DIDO1: variants seen among roughly 807,000 people sequenced by gnomAD.
DIDO1 encodes death-inducer obliterator 1.
DIDO1 carries 16 observed loss-of-function variants against 99.4 expected under a neutral mutation model. The observed-to-expected ratio is 0.16, with a 90% CI of 0.11 to 0.24. The LOEUF (loss-of-function observed/expected upper bound fraction) is 0.24, where lower values mean the gene tolerates loss of function less well. Among genes scored for constraint, DIDO1 ranks in the 10% least tolerant of loss-of-function variants. The pLI is 1.00. For synonymous variants in DIDO1, 1,366 were observed against 1,239.1 expected (o/e 1.10, Z -2.15); for missense variants, 2,996 against 3,014.0 (o/e 0.99, Z 0.14).
chr20:62,915,298 C>T (rs755167), intron 1 of DIDO1, among the ~76,000 whole-genome samples: 93,583 of 152,032 alleles, frequency 0.62, 30,577 homozygotes, highest in African/African-American at 0.84. Flanking sequence ...GTAGACACCC[C>T]GTCTCTACAA....
intron 1 of DIDO1, among the ~76,000 whole-genome samples, chr20:62,919,516 G>A (rs2065096788): frequency 6.6e-6 from 1 of 151,822 alleles, no homozygotes. Context: ...CTCCAGCCTG[G>A]GCAACAAGAG....
chr20:62,922,065 C>T (rs955081811), intron 1 of DIDO1, among the ~76,000 whole-genome samples: 6 of 139,242 alleles, frequency 4.3e-5, no homozygotes, highest in Admixed American at 2.3e-4. Flanking sequence ...TATATACACA[C>T]ACTATATACA....
chr20:62,898,665 T>C (rs1297568917), intron 6 of DIDO1, among the ~76,000 whole-genome samples: 7 of 152,188 alleles, frequency 4.6e-5, no homozygotes, highest in Non-Finnish European at 1.0e-4. Context: ...ACCCCCTCCT[T>C]GGCAACACTG....
chr20:62,901,239 C>T (rs6011458), intron 6 of DIDO1, among the ~76,000 whole-genome samples: 35,030 of 152,186 alleles, frequency 0.23, 4,294 homozygotes, highest in East Asian at 0.33. Context: ...GCTAGACTGC[C>T]GTGTTTTGGA....
At chr20:62,912,156 G>A (rs1373985303) in intron 2 of DIDO1, among the ~76,000 whole-genome samples, 1 of 152,194 alleles carries the variant, frequency 6.6e-6, no homozygotes, top group Non-Finnish European at 1.5e-5. Flanking sequence ...AAGAGGATAT[G>A]AAGAAGCTGA....
intron 1 of DIDO1, among the ~76,000 whole-genome samples, chr20:62,918,344 C>A (rs1186064857): frequency 6.6e-6 from 1 of 152,224 alleles, no homozygotes; most frequent in Non-Finnish European, 1.5e-5. Context: ...GATCAGGGCT[C>A]ACTGCAGCCT....
upstream of DIDO1, among the ~76,000 whole-genome samples, chr20:62,929,692 A>AAAAAAAAATATATATATATATATAT: frequency 1.6e-4 from 10 of 63,708 alleles, no homozygotes; most frequent in African/African-American, 2.3e-4. Context: ...AAAAAGAAAA[A>AAAAAAAAATATATATATATATATAT]GTGTATATAT....
chr20:62,920,064 C>G (rs1234644128), intron 1 of DIDO1, among the ~76,000 whole-genome samples: 1 of 152,192 alleles, frequency 6.6e-6, no homozygotes, highest in Admixed American at 6.5e-5. Flanking sequence ...TTCTACATAC[C>G]AGGATTCCTG....
Position 62,895,037 on chromosome 20 carries a change from C to T in DIDO1, c.2331+12G>A. ...GTCCTGGGTGCCTCCGCAGGTACCC[C>T]TCAGCACTCACAGATCTCGCTGGCC... On this transcript the variant is annotated intron_variant, in intron 9 of 15. Transcript: ENST00000395343. 6.2e-7 allele frequency: 1 copy of T among 1,603,410 alleles called. No homozygotes were observed. Among genetic ancestry groups the T allele is most frequent in the Non-Finnish European group, 8.5e-7 (1 of 1,170,610 alleles).
intron 12 of DIDO1, 37 bp downstream of exon 12, chr20:62,893,629 A>T (rs2147398925): frequency 6.6e-7 from 1 of 1,516,718 alleles, no homozygotes; most frequent in East Asian, 2.3e-5. Context: ...TCTAAAAAAA[A>T]AGTTTGGCTT....
In DIDO1 at chr20:62,881,587, C is replaced by T. The variant is rs1326223095; in HGVS notation, c.4369G>A (p.Val1457Met). ...GCCACCGGCTCGGCAGGCCTCTCCA[C>T]GGAGTTCCTTCTCACGTCGGCACAC... The part of the protein sequence containing the change: ...RMCADVRRNS[V>M]ERPAEPVAGA... Residue 1457 changes from valine to methionine, a missense_variant, in exon 16 of 16, where the codon GTG becomes ATG. Val to Met is a conservative substitution (Grantham distance 21). Transcript: ENST00000395343. This position sits in a 1 kb window ranked among gnomAD's most constrained non-coding sequence, Gnocchi z 8.3. 2 of 1,611,708 alleles carry T rather than the reference C, an allele frequency of 1.2e-6. No individual in the cohort carries two copies. The highest frequency in any genetic ancestry group is 1.7e-6 in the Non-Finnish European group (2 of 1,180,014).
Position 62,879,580 on chromosome 20 carries a change from C to G in DIDO1, c.6376G>C (p.Glu2126Gln), listed in dbSNP as rs2147339102. 6.2e-7 allele frequency: 1 copy of G among 1,602,636 alleles called. No homozygotes were observed. Among genetic ancestry groups the G allele is most frequent in the Non-Finnish European group, 8.5e-7 (1 of 1,179,564 alleles). The change falls in exon 16 of 16, where the codon GAG (glutamate) becomes CAG (glutamine). Residue 2126 changes from glutamate to glutamine, a missense_variant. By Grantham distance (29) the Glu-to-Gln change is conservative. This residue lies in a region of DIDO1 where 1,562 missense variants were observed against 1,412.6 expected (regional missense o/e 1.11). Transcript: ENST00000395343. This position sits in a 1 kb window ranked among gnomAD's most constrained non-coding sequence, Gnocchi z 6.3. ...ERERGRNWSRERDWDRPREWD... is the reference protein window; with the variant it reads ...ERERGRNWSRQRDWDRPREWD... ...TCCCGGGGCCGGTCCCAGTCCCGCT[C>G]TCGGCTCCAGTTTCGGCCGCGCTCG... is the stretch of plus-strand genomic sequence containing the variant.
Position 62,879,957 on chromosome 20 carries a change from T to C in DIDO1, c.5999A>G (p.Glu2000Gly). 6.2e-7 allele frequency: 1 copy of C among 1,605,290 alleles called. No individual in the cohort carries two copies. Among genetic ancestry groups the C allele is most frequent in the Non-Finnish European group, 8.5e-7 (1 of 1,177,568 alleles). The change falls in exon 16 of 16, where the codon GAA becomes GGA. Residue 2000 changes from glutamate (E) to glycine (G), a missense_variant. Around this residue, in one of 5 missense-constraint regions of DIDO1, gnomAD observed 1,562 missense variants for 1,412.6 expected, o/e 1.11. Coordinates refer to ENST00000395343, the MANE Select transcript of DIDO1 (RefSeq NM_001193369.2). This position sits in a 1 kb window ranked among gnomAD's most constrained non-coding sequence, Gnocchi z 6.3. The part of the protein sequence containing the change: ...GGLRGSAPFS[E>G]KNEQTPSRFH... ...TCGCGAAGGGGTCTGCTCATTTTTT[T>C]CAGAAAAGGGTGCGGACCCCCGTAG...
At chr20:62,921,990 A>G (rs1348079665) in intron 1 of DIDO1, among the ~76,000 whole-genome samples, 1 of 150,364 alleles carries the variant, frequency 6.7e-6, no homozygotes, top group Non-Finnish European at 1.5e-5. Flanking sequence ...TATGTCCACA[A>G]TATATATACA....
rs1484721271 is a variant in DIDO1, at chr20:62,893,542, TGAAA to T, written c.3101+120_3101+123del. On this transcript the variant is annotated intron_variant, in intron 12 of 15. Coordinates refer to ENST00000395343, the MANE Select transcript of DIDO1 (RefSeq NM_001193369.2). Reference sequence around the variant, plus strand: ...CCTACAACTGGGGCTTTTTAAAAGATGAAAGAGTGAAGCTGTATTTCAGGTTACA... The same window carrying T: ...CCTACAACTGGGGCTTTTTAAAAGATGAGTGAAGCTGTATTTCAGGTTACA... The T allele has an allele frequency of 3.4e-6, 4 of 1,189,760 alleles. No individual in the cohort carries two copies. The Admixed American group carries it at 1.2e-4, about 35-fold the overall frequency. 73.7% of individuals were successfully genotyped at this position (1,189,760 alleles called of 1,614,324 possible).
In DIDO1 at chr20:62,879,191, AC is replaced by A. The variant is rs2064151883; in HGVS notation, c.*41del. On this transcript the variant is annotated 3_prime_UTR_variant, in exon 16 of 16. Transcript: ENST00000395343. This position sits in a 1 kb window ranked among gnomAD's most constrained non-coding sequence, Gnocchi z 6.3. ...AAAAGCTATTTGTTCAACGCATCTT[AC>A]GAACGTGGCTTTAAAAAGGGTCTCT... The A allele has an allele frequency of 7.0e-7, 1 of 1,436,198 alleles. No homozygotes were observed. The highest frequency in any genetic ancestry group is 1.5e-5 in the African/African-American group (1 of 68,908). The allele number at this position is 1,436,198 out of a possible 1,614,324, so 89.0% of individuals were successfully genotyped here. A position where few individuals can be genotyped will look rare whatever the true frequency, so the allele number is the denominator to read the frequency against.
rs1176449568 is a variant in DIDO1 at position 62,894,456 on chromosome 20, C to G, written c.2529G>C (p.Gln843His). ...FSSMLKDTTS[Q>H]HRAHLFDLNC... is the part of the protein sequence containing the mutation. ...TGAGATCGAAGAGGTGTGCGCGGTGCTGACTGGTGGTGTCTTTCAACATGC... is the reference window on the plus strand; with the variant it reads ...TGAGATCGAAGAGGTGTGCGCGGTGGTGACTGGTGGTGTCTTTCAACATGC... The change falls in exon 11 of 16, where the codon CAG becomes CAC. Residue 843 changes from glutamine (Q) to histidine (H), a missense_variant. By Grantham distance (24) the Gln-to-His change is conservative. Coordinates refer to ENST00000395343, the MANE Select transcript of DIDO1 (RefSeq NM_001193369.2). This position sits in a 1 kb window ranked among gnomAD's most constrained non-coding sequence, Gnocchi z 4.4. 3 of 1,613,404 alleles carry G rather than the reference C, an allele frequency of 1.9e-6. No homozygotes were observed. The Admixed American group carries it at 5.0e-5, about 27-fold the overall frequency.
chr20:62,907,430 A>G lies in DIDO1; in HGVS notation c.1162-71T>C. 3 of 1,468,282 alleles carry G rather than the reference A, an allele frequency of 2.0e-6. No homozygotes were observed. The South Asian group carries it at 3.5e-5, about 17-fold the overall frequency. The allele number at this position is 1,468,282 out of a possible 1,614,324, so 91.0% of individuals were successfully genotyped here. ...TAAGCAGTTAAGTGTGTGTTTTGTA[A>G]AATCACCATTTATAGTACCAAGGCC... On this transcript the variant is annotated intron_variant, in intron 4 of 15. Coordinates refer to ENST00000395343, the MANE Select transcript of DIDO1 (RefSeq NM_001193369.2).
Position 62,909,896 on chromosome 20 carries a change from G to A in DIDO1, c.964C>T (p.Leu322=). The change falls in exon 4 of 16, where the codon CTG becomes TTG. Residue 322 remains leucine, a synonymous_variant. Coordinates refer to ENST00000395343, the MANE Select transcript of DIDO1 (RefSeq NM_001193369.2). ...GAATGAGTCTCATCCTGCACTTGCA[G>A]AATGGTGCAGTTTGGGCAGATATAG... ...EDYICPNCTI[L]QVQDETHSET... is the part of the protein sequence containing the mutation. 2 of 1,614,220 alleles carry A rather than the reference G, an allele frequency of 1.2e-6. No individual in the cohort carries two copies. Among genetic ancestry groups the A allele is most frequent in the Non-Finnish European group, 1.7e-6 (2 of 1,180,040 alleles).
Sources: gnomAD v4.1 joint callset for allele counts (sites outside exome capture counted in the v4.1 genomes callset) on GRCh38, gnomAD v4.1.1 for gene constraint, gnomAD v4.1.1 regional missense constraint, Gnocchi (gnomAD v3.1) non-coding constraint, MANE v1.5 for transcripts, NCBI Gene and HGNC (gene_info 2026-07-23, HGNC 2026-07-21) for gene names.